KDM6A: variants seen among roughly 807,000 people sequenced by gnomAD.
KDM6A encodes lysine demethylase 6A.
A neutral mutation model predicts 117.6 loss-of-function variants in KDM6A; 11 were observed. That is an observed-to-expected ratio of 0.09 (90% CI 0.06 to 0.15). The LOEUF is 0.15. Among genes scored for constraint, KDM6A ranks in the 10% least tolerant of loss-of-function variants. The probability of loss-of-function intolerance (pLI) is 1.00; values close to 1 mark genes in which losing one functional copy is unlikely to be tolerated. For missense variants in KDM6A, 799 were observed against 1,077.3 expected, an observed-to-expected ratio of 0.74 and a Z score of 3.62; for synonymous variants, 384 against 396.1, an observed-to-expected ratio of 0.97 and a Z score of 0.36.
chrX:45,038,848 G>T (rs757678100), intron 8 of KDM6A, among the ~76,000 whole-genome samples: 7 of 111,069 alleles, frequency 6.3e-5, no homozygotes, highest in Admixed American at 2.9e-4. Context: ...TCAAAATTAG[G>T]TCATCATAGT....
intron 17 of KDM6A, 22 bp downstream of exon 17, chrX:45,063,839 T>A: frequency 8.6e-7 from 1 of 1,164,757 alleles, no homozygotes; most frequent in South Asian, 1.9e-5. Flanking sequence ...ACTAGCTTCC[T>A]TGTTGGCTTT....
intron 5 of KDM6A, among the ~76,000 whole-genome samples, chrX:45,019,026 T>C (rs1343484284): frequency 8.9e-6 from 1 of 111,771 alleles, no homozygotes; most frequent in Non-Finnish European, 1.9e-5. Context: ...TAAAAGTCTT[T>C]GTATACCCTT....
intron 27 of KDM6A, among the ~76,000 whole-genome samples, chrX:45,093,938 T>A (rs2045998744): frequency 9.0e-6 from 1 of 111,112 alleles, no homozygotes; most frequent in African/African-American, 3.3e-5. Context: ...CATTTTGCCC[T>A]ACGCTACAAA....
chrX:45,068,733 G>C (rs1485780111), intron 17 of KDM6A, among the ~76,000 whole-genome samples: 5 of 108,209 alleles, frequency 4.6e-5, no homozygotes, highest in African/African-American at 1.7e-4. Context: ...CACCTAGCTT[G>C]TCTGCCTGCT....
intron 2 of KDM6A, among the ~76,000 whole-genome samples, chrX:44,886,559 G>T: frequency 9.6e-6 from 1 of 104,161 alleles, no homozygotes; most frequent in African/African-American, 3.6e-5. Context: ...GCAGGATCTC[G>T]GCTCACTGCA....
At chrX:45,090,633 G>T (rs2045854375) in intron 26 of KDM6A, 90 bp from the exon 27 acceptor site, 1 of 975,795 alleles carries the variant, frequency 1.0e-6, no homozygotes, top group South Asian at 2.1e-5. Context: ...CAGAATTGAT[G>T]TTGAAGATAT....
intron 15 of KDM6A, among the ~76,000 whole-genome samples, chrX:45,061,698 G>A (rs780485423): frequency 9.2e-6 from 1 of 108,370 alleles, no homozygotes; most frequent in East Asian, 2.9e-4. Context: ...CGCCATGTTG[G>A]CCAGACTGGT....
intron 3 of KDM6A, among the ~76,000 whole-genome samples, chrX:44,967,884 T>TA (rs2039113011): frequency 1.8e-5 from 2 of 112,555 alleles, no homozygotes; most frequent in Admixed American, 1.9e-4. Context: ...ATGAAGAGTT[T>TA]AAAAAAATGT....
At chrX:44,922,599 G>C (rs2036032762) in intron 2 of KDM6A, among the ~76,000 whole-genome samples, 1 of 111,452 alleles carries the variant, frequency 9.0e-6, no homozygotes, top group African/African-American at 3.3e-5. Flanking sequence ...CTTCCGAGTA[G>C]CTGGGATTAC....
chrX:45,095,289 AT>A (rs2046056781), intron 27 of KDM6A, among the ~76,000 whole-genome samples: 1 of 110,968 alleles, frequency 9.0e-6, no homozygotes, highest in East Asian at 2.8e-4. Flanking sequence ...TCTATGGCAC[AT>A]GACTTCATTT....
rs1440715694 is a variant in KDM6A at position 44,922,630 on chromosome X, A to G, written c.226-38654A>G. ...ATTACAGGTGCCTGCCACCAGGCCC[A>G]GCTAAGTTTTGTGTTTTTAGTAGAG... On this transcript the variant is annotated intron_variant, in intron 2 of 29. Coordinates refer to ENST00000611820, the MANE Select transcript of KDM6A (RefSeq NM_001291415.2). Among the ~76,000 whole-genome samples, 3 of 110,724 alleles carry G rather than the reference A, an allele frequency of 2.7e-5. No homozygotes were observed. The Admixed American group carries it at 2.9e-4, about 11-fold the overall frequency.
chrX:44,873,304 C>T lies in KDM6A; in HGVS notation c.-248C>T, dbSNP rs1272809402. 18 of 395,972 alleles carry T rather than the reference C, an allele frequency of 4.5e-5. No individual in the cohort carries two copies. The highest frequency in any genetic ancestry group is 7.7e-5 in the Non-Finnish European group (18 of 232,936). The allele number at this position is 395,972 out of a possible 1,213,427, so 32.6% of individuals were successfully genotyped here. A position where few individuals can be genotyped will look rare whatever the true frequency, so the allele number is the denominator to read the frequency against. On this transcript the variant is annotated 5_prime_UTR_variant, in exon 1 of 30. Coordinates refer to ENST00000611820, the MANE Select transcript of KDM6A (RefSeq NM_001291415.2). ...GTCCCCGCCTGTGGCTGCCCCCTGC[C>T]CAACCCCGCGATGTGACCCTACAGC...
At chrX:45,080,774 C>T (rs187992311) in intron 21 of KDM6A, among the ~76,000 whole-genome samples, 52 of 112,193 alleles carry the variant, frequency 4.6e-4, no homozygotes, top group Non-Finnish European at 8.4e-4. Flanking sequence ...TTTCAAGATA[C>T]TTCAAGTACC....
At position 44,896,267 on chromosome X, in the gene KDM6A, C is replaced by T. The variant is rs1290998386; in HGVS notation, c.225+22280C>T. ...TTTTTTGTATTTTTTTTAGTAGAGACGGGGTTTCACTGTGTTAACCAGGAT... is the reference window on the plus strand; with the variant it reads ...TTTTTTGTATTTTTTTTAGTAGAGATGGGGTTTCACTGTGTTAACCAGGAT... On this transcript the variant is annotated intron_variant, in intron 2 of 29. Transcript: ENST00000611820. Among the ~76,000 whole-genome samples, 4 of 109,612 alleles carry T rather than the reference C, an allele frequency of 3.6e-5. No homozygotes were observed. In the South Asian group the frequency reaches 1.2e-3, roughly 32 times the overall value.
At chrX:45,098,504 T>C (rs1326759764) in intron 27 of KDM6A, among the ~76,000 whole-genome samples, 2 of 112,822 alleles carry the variant, frequency 1.8e-5, no homozygotes, top group Non-Finnish European at 3.7e-5. Context: ...TTGTTGAAAC[T>C]GGAGATAAAG....
At chrX:44,978,299 A>T (rs185500347) in intron 4 of KDM6A, among the ~76,000 whole-genome samples, 2 of 112,504 alleles carry the variant, frequency 1.8e-5, no homozygotes, top group African/African-American at 3.2e-5. Flanking sequence ...TATATTTTTT[A>T]AAAATTCATT....
At chrX:45,033,680 A>C (rs901971513) in intron 6 of KDM6A, among the ~76,000 whole-genome samples, 7 of 110,240 alleles carry the variant, frequency 6.3e-5, no homozygotes, top group African/African-American at 2.3e-4. Flanking sequence ...CAGCCTCCGG[A>C]GTAGCTGAGA....
At chrX:44,988,766 G>A (rs908828379) in intron 4 of KDM6A, among the ~76,000 whole-genome samples, 19 of 110,766 alleles carry the variant, frequency 1.7e-4, no homozygotes, top group Non-Finnish European at 1.5e-4. Context: ...TCGTTCCTCT[G>A]GAAGTTTTGT....
At position 44,955,490 on chromosome X, in the gene KDM6A, G is replaced by A. The variant is rs1243250937; in HGVS notation, c.226-5794G>A. Among the ~76,000 whole-genome samples the A allele has an allele frequency of 4.5e-5, 5 of 110,318 alleles. No individual in the cohort carries two copies. In the Admixed American group the frequency reaches 4.9e-4, roughly 11 times the overall value. The stretch of plus-strand genomic sequence containing the variant: ...TTATCCACAGGTATTATCTAGTTTA[G>A]TACCTTAAAAAAAAACTAGTGCAAA... On this transcript the variant is annotated intron_variant, in intron 2 of 29. Coordinates refer to ENST00000611820, the MANE Select transcript of KDM6A (RefSeq NM_001291415.2).
Sources: gnomAD v4.1 joint callset for allele counts (sites outside exome capture counted in the v4.1 genomes callset) on GRCh38, gnomAD v4.1.1 for gene constraint, MANE v1.5 for transcripts, NCBI Gene and HGNC (gene_info 2026-07-23, HGNC 2026-07-21) for gene names.